The following RAB28 variants were observed in gnomAD, a reference collection of about 807,000 sequenced individuals.
RAB28 encodes ras-related protein Rab-28.
In RAB28, 24 loss-of-function variants were observed where a neutral mutation model predicts 31.7. That is an observed-to-expected ratio of 0.76 (90% CI 0.55 to 1.06). RAB28 has a LOEUF of 1.06. Ranked by LOEUF, RAB28 falls within the 50% of genes least tolerant of loss-of-function variation. The pLI is 0.00. For synonymous variants in RAB28, 100 were observed against 90.4 expected (o/e 1.11, Z -0.60); for missense variants, 254 against 258.5 (o/e 0.98, Z 0.12).
At chr4:13,382,821 CCCAAGTAGCTGGGAT>C (rs1729191502) in intron 4 of RAB28, among the ~76,000 whole-genome samples, 1 of 151,406 alleles carries the variant, frequency 6.6e-6, no homozygotes, top group Non-Finnish European at 1.5e-5. Context: ...GCCTCAGCCT[CCCAAGTAGCTGGGAT>C]TACAGGCGCC....
intron 4 of RAB28, among the ~76,000 whole-genome samples, chr4:13,415,901 C>T (rs1712749508): frequency 6.6e-6 from 1 of 152,232 alleles, no homozygotes; most frequent in South Asian, 2.1e-4. Context: ...TGTAAATACA[C>T]CAATCGGCAC....
intron 4 of RAB28, among the ~76,000 whole-genome samples, chr4:13,421,183 G>A (rs1363799350): frequency 2.0e-5 from 3 of 152,138 alleles, no homozygotes; most frequent in African/African-American, 7.2e-5. Context: ...AAATGCCTAG[G>A]AATCCACCTT....
chr4:13,415,449 A>C (rs367948060), intron 4 of RAB28, among the ~76,000 whole-genome samples: 1 of 152,132 alleles, frequency 6.6e-6, no homozygotes, highest in Non-Finnish European at 1.5e-5. Flanking sequence ...AGGCCAGTGC[A>C]AGTTCAGGGT....
chr4:13,415,890 T>C (rs1277403433), intron 4 of RAB28, among the ~76,000 whole-genome samples: 2 of 152,174 alleles, frequency 1.3e-5, no homozygotes, highest in Non-Finnish European at 2.9e-5. Context: ...AGCTAGGGGA[T>C]TGTAAATACA....
chr4:13,467,135 T>C (rs1715892690), intron 3 of RAB28, among the ~76,000 whole-genome samples: 1 of 151,894 alleles, frequency 6.6e-6, no homozygotes. Context: ...TTATTATGTA[T>C]CATACATTTC....
chr4:13,406,112 A>G (rs891007925), intron 4 of RAB28, among the ~76,000 whole-genome samples: 2 of 152,114 alleles, frequency 1.3e-5, no homozygotes, highest in African/African-American at 4.8e-5. Flanking sequence ...TCAACTCGTC[A>G]TCTACATTAG....
chr4:13,426,688 A>G (rs1713515061), intron 4 of RAB28, among the ~76,000 whole-genome samples: 1 of 152,190 alleles, frequency 6.6e-6, no homozygotes, highest in Non-Finnish European at 1.5e-5. Context: ...ATTCCTAGAA[A>G]TAACAGGTCC....
At chr4:13,429,265 A>G (rs1025622186) in intron 4 of RAB28, among the ~76,000 whole-genome samples, 11 of 152,142 alleles carry the variant, frequency 7.2e-5, no homozygotes, top group East Asian at 1.9e-4. Flanking sequence ...TCTTTATTCA[A>G]TGAAGCTCTA....
intron 4 of RAB28, among the ~76,000 whole-genome samples, chr4:13,408,516 TGCTG>T (rs774815955): frequency 2.0e-5 from 3 of 152,190 alleles, no homozygotes; most frequent in Non-Finnish European, 4.4e-5. Context: ...ATCAGGATGA[TGCTG>T]GCCTCATAAA....
chr4:13,371,275 A>G (rs1057204662), intron 6 of RAB28: 13 of 985,206 alleles, frequency 1.3e-5, no homozygotes, highest in Non-Finnish European at 1.6e-5. Context: ...AGCATTACCA[A>G]CTGCCAAATG....
At chr4:13,399,235 G>C (rs141405406) in intron 4 of RAB28, among the ~76,000 whole-genome samples, 1 of 152,066 alleles carries the variant, frequency 6.6e-6, no homozygotes, top group Non-Finnish European at 1.5e-5. Flanking sequence ...GGCATTTTTC[G>C]TGCGTATTGT....
At chr4:13,470,038 T>C (rs1716045933) in intron 3 of RAB28, among the ~76,000 whole-genome samples, 2 of 152,022 alleles carry the variant, frequency 1.3e-5, no homozygotes, top group Admixed American at 1.3e-4. Flanking sequence ...CAAGTAACAG[T>C]CTTGTAAAGC....
At chr4:13,460,673 T>G in intron 4 of RAB28, 26 bp downstream of exon 4, 1 of 1,613,412 alleles carries the variant, frequency 6.2e-7, no homozygotes, top group Middle Eastern at 1.7e-4. Context: ...AACTGTACCA[T>G]ACATAAACAA....
chr4:13,418,080 C>G (rs1156718194), intron 4 of RAB28, among the ~76,000 whole-genome samples: 1 of 152,146 alleles, frequency 6.6e-6, no homozygotes, highest in Non-Finnish European at 1.5e-5. Flanking sequence ...AGCTGAAAAC[C>G]AGGGCACAAG....
intron 3 of RAB28, among the ~76,000 whole-genome samples, chr4:13,465,518 TA>T (rs149486018): frequency 0.092 from 13,635 of 147,452 alleles, 1,199 homozygotes; most frequent in African/African-American, 0.24. Flanking sequence ...ACAGAAAATT[TA>T]AAAAAAAAAC....
At chr4:13,433,888 A>G (rs1448473249) in intron 4 of RAB28, among the ~76,000 whole-genome samples, 2 of 152,182 alleles carry the variant, frequency 1.3e-5, no homozygotes, top group East Asian at 1.9e-4. Context: ...CCTGTTCACA[A>G]TAACAAAAAC....
Position 13,368,534 on chromosome 4 carries a change from T to C in RAB28, c.*24A>G, listed in dbSNP as rs751638453. The C allele has an allele frequency of 2.3e-5, 36 of 1,598,498 alleles. No homozygotes were observed. Among genetic ancestry groups the C allele is most frequent in the South Asian group, 1.8e-4 (16 of 88,824 alleles). ...CCCAGAGGTGAAGGGCAGCCAGAAC[T>C]ATCAACACAAAAGAAAAATGCGCTC... On this transcript the variant is annotated 3_prime_UTR_variant, in exon 7 of 7. Transcript: ENST00000330852.
intron 4 of RAB28, among the ~76,000 whole-genome samples, chr4:13,382,736 T>C (rs989812314): frequency 7.1e-6 from 1 of 141,682 alleles, no homozygotes; most frequent in African/African-American, 2.6e-5. Flanking sequence ...TCTTGCACTG[T>C]CACCCGGGCT....
intron 4 of RAB28, among the ~76,000 whole-genome samples, chr4:13,400,750 C>T (rs1316292680): frequency 6.6e-6 from 1 of 152,100 alleles, no homozygotes; most frequent in Non-Finnish European, 1.5e-5. Context: ...TTTTCTCATT[C>T]CTGATTTGCT....
Sources: gnomAD v4.1 joint callset for allele counts (sites outside exome capture counted in the v4.1 genomes callset) on GRCh38, gnomAD v4.1.1 for gene constraint, MANE v1.5 for transcripts, NCBI Gene and HGNC (gene_info 2026-07-23, HGNC 2026-07-21) for gene names.